Variants in ANKRD31 observed in about 807,000 individuals in gnomAD.
ANKRD31 encodes ankyrin repeat domain 31.
A neutral mutation model predicts 186.0 loss-of-function variants in ANKRD31; 147 were observed. That is an observed-to-expected ratio of 0.79 (90% confidence interval 0.69 to 0.91). The LOEUF (loss-of-function observed/expected upper bound fraction) is 0.91, where lower values mean the gene tolerates loss of function less well. Among genes scored for constraint, ANKRD31 ranks in the 40% least tolerant of loss-of-function variants. The pLI, the probability that ANKRD31 is intolerant of heterozygous loss-of-function variation, is 0.00. For synonymous variants in ANKRD31, 673 were observed against 736.4 expected (o/e 0.91, Z 1.39); for missense variants, 1,986 against 2,148.8 (o/e 0.92, Z 1.50).
At chr5:75,183,114 C>A (rs1754445928) in intron 10 of ANKRD31, among the ~76,000 whole-genome samples, 1 of 152,102 alleles carries the variant, frequency 6.6e-6, no homozygotes, top group Non-Finnish European at 1.5e-5. Context: ...ATGCACAAAC[C>A]AATAAACGTG....
chr5:75,110,519 G>C (rs1212061063), intron 20 of ANKRD31, among the ~76,000 whole-genome samples: 1 of 151,926 alleles, frequency 6.6e-6, no homozygotes, highest in Non-Finnish European at 1.5e-5. Context: ...AGACCATCCT[G>C]ACCAACATGG....
chr5:75,137,351 T>C (rs892562156), intron 17 of ANKRD31, among the ~76,000 whole-genome samples: 1 of 152,154 alleles, frequency 6.6e-6, no homozygotes, highest in African/African-American at 2.4e-5. Flanking sequence ...GTCAGTGTCA[T>C]TGAAATAATG....
chr5:75,217,970 G>C (rs898416193), intron 3 of ANKRD31, among the ~76,000 whole-genome samples: 1 of 151,986 alleles, frequency 6.6e-6, no homozygotes, highest in African/African-American at 2.4e-5. Flanking sequence ...AATTCCCTGA[G>C]CATTTGCTTG....
At chr5:75,072,870 T>C (rs977450221) in intron 25 of ANKRD31, among the ~76,000 whole-genome samples, 1 of 152,174 alleles carries the variant, frequency 6.6e-6, no homozygotes, top group African/African-American at 2.4e-5. Context: ...GCTGAAAAGA[T>C]GAATACACAC....
Position 75,128,773 on chromosome 5 carries a change from C to T in ANKRD31, c.3876+9083G>A, listed in dbSNP as rs571264689. 2.0e-5 allele frequency among the ~76,000 whole-genome samples: 3 copies of T among 151,960 alleles called. No individual in the cohort carries two copies. The East Asian group carries it at 5.8e-4, about 29-fold the overall frequency. On this transcript the variant is annotated intron_variant, in intron 17 of 25. Coordinates refer to ENST00000506364, the MANE Select transcript of ANKRD31 (RefSeq NM_001372053.1). The stretch of plus-strand genomic sequence containing the variant: ...TCATGATCTGCCTGCTTCGGCCTCC[C>T]AAAGTACTGGGATTACAGGCATGAG...
At chr5:75,116,725 A>C in intron 18 of ANKRD31, 44 bp from the exon 19 acceptor site, 4 of 1,159,028 alleles carry the variant, frequency 3.5e-6, no homozygotes, top group Non-Finnish European at 4.6e-6. Flanking sequence ...ATGTGCAAAA[A>C]TATAGTTTCA....
intron 25 of ANKRD31, among the ~76,000 whole-genome samples, chr5:75,073,868 T>C (rs538518256): frequency 6.6e-6 from 1 of 152,114 alleles, no homozygotes; most frequent in Non-Finnish European, 1.5e-5. Flanking sequence ...TTTTAAAAAA[T>C]TTTTTTTAAA....
In ANKRD31 at chr5:75,146,280, A is replaced by T. The variant is rs939360435; in HGVS notation, c.3131T>A (p.Phe1044Tyr). The T allele has an allele frequency of 1.3e-6, 2 of 1,536,438 alleles. No homozygotes were observed. Among genetic ancestry groups the T allele is most frequent in the African/African-American group, 2.7e-5 (2 of 72,980 alleles). ...PQDYIPRAPTFLMNQTDTHIV... is the reference protein window; with the variant it reads ...PQDYIPRAPTYLMNQTDTHIV... ...ATGTGTATCTGTTTGATTCATTAAAAAAGTTGGTGCTCTGGGAATATAATC... is the reference window on the plus strand; with the variant it reads ...ATGTGTATCTGTTTGATTCATTAAATAAGTTGGTGCTCTGGGAATATAATC... The change falls in exon 14 of 26, where the codon TTT becomes TAT. Residue 1044 changes from phenylalanine (F) to tyrosine (Y), a missense_variant. By Grantham distance (22) the Phe-to-Tyr change is conservative. Transcript: ENST00000506364.
intron 17 of ANKRD31, among the ~76,000 whole-genome samples, chr5:75,136,787 G>T (rs1018754040): frequency 6.6e-6 from 1 of 152,152 alleles, no homozygotes. Context: ...ATGATAGAGT[G>T]GATTAAGAAA....
rs781252248 is a variant in ANKRD31, at chr5:75,084,313, T to C, written c.5534A>G (p.Glu1845Gly). Residue 1845 changes from glutamate (E) to glycine (G), a missense_variant, in exon 24 of 26, where the codon GAA becomes GGA. By Grantham distance (98) the Glu-to-Gly change is moderately conservative. Transcript: ENST00000506364. ...ATATTGCTGAGGTACTGAGTTTGGT[T>C]CTGGAAGTATGGGTGCATCCTCAGA... ...YVSEDAPILPEPNSVPQQYQP... is the reference protein window; with the variant it reads ...YVSEDAPILPGPNSVPQQYQP... 13 of 1,537,060 alleles carry C rather than the reference T, an allele frequency of 8.5e-6. No individual in the cohort carries two copies. The highest frequency in any genetic ancestry group is 1.1e-5 in the Non-Finnish European group (13 of 1,146,874).
intron 17 of ANKRD31, 96 bp from the exon 18 acceptor site, chr5:75,118,393 C>G: frequency 8.6e-7 from 1 of 1,156,086 alleles, no homozygotes; most frequent in Non-Finnish European, 1.1e-6. Context: ...TAAAAGCTAT[C>G]AAAAGAATGT....
rs2150331530 is a variant in ANKRD31 at position 75,236,658 on chromosome 5, C to T, written c.29G>A (p.Trp10Ter). Residue 10 changes from tryptophan (W) to a stop codon, truncating the protein, a stop_gained, in exon 1 of 26, where the codon TGG becomes TAG. Transcript: ENST00000506364. LOFTEE classifies it high-confidence loss of function. MEEGVQAPD[W>*]DSDETVIEGS... ...CTCTATCACAGTTTCATCACTGTCC[C>T]AGTCTGGGGCCTGGACGCCTTCCTC... 1 of 1,536,808 alleles carries T rather than the reference C, an allele frequency of 6.5e-7. No individual in the cohort carries two copies. The highest frequency in any genetic ancestry group is 1.2e-5 in the South Asian group (1 of 83,932).
intron 12 of ANKRD31, among the ~76,000 whole-genome samples, chr5:75,153,850 GA>G (rs1187908299): frequency 6.6e-6 from 1 of 152,082 alleles, no homozygotes; most frequent in Non-Finnish European, 1.5e-5. Flanking sequence ...CTTAGGGAAT[GA>G]ATATAAATAA....
At position 75,146,243 on chromosome 5, in the gene ANKRD31, C is replaced by T; in HGVS notation, c.3168G>A (p.Lys1056=). Residue 1056 remains lysine (K), a synonymous_variant, in exon 14 of 26, where the codon AAG becomes AAA. Coordinates refer to ENST00000506364, the MANE Select transcript of ANKRD31 (RefSeq NM_001372053.1). ...MNQTDTHIVE[K]MAKNCDTERN... is the part of the protein sequence containing the mutation. ...TCTCAGTGTCACAATTCTTTGCCAT[C>T]TTTTCCACAATATGTGTATCTGTTT... is the stretch of plus-strand genomic sequence containing the variant. 1 of 1,536,378 alleles carries T rather than the reference C, an allele frequency of 6.5e-7. No individual in the cohort carries two copies. Among genetic ancestry groups the T allele is most frequent in the East Asian group, 2.4e-5 (1 of 40,874 alleles).
At chr5:75,107,393 C>T (rs1747412277) in intron 21 of ANKRD31, 128 bp downstream of exon 21, 4 of 629,808 alleles carry the variant, frequency 6.4e-6, no homozygotes, top group Admixed American at 6.5e-5. Flanking sequence ...ATTAGACAAC[C>T]TCATAAAGTC....
intron 10 of ANKRD31, among the ~76,000 whole-genome samples, chr5:75,178,237 T>C (rs1453635664): frequency 6.6e-6 from 1 of 152,084 alleles, no homozygotes; most frequent in Non-Finnish European, 1.5e-5. Context: ...CATAAAGCAA[T>C]TCCTTAGTGA....
At chr5:75,136,668 A>T (rs1750603778) in intron 17 of ANKRD31, among the ~76,000 whole-genome samples, 1 of 152,244 alleles carries the variant, frequency 6.6e-6, no homozygotes, top group African/African-American at 2.4e-5. Context: ...TACTGGGTAT[A>T]TGCCCAAAGG....
chr5:75,122,618 T>C (rs768172285), intron 17 of ANKRD31, among the ~76,000 whole-genome samples: 21 of 152,136 alleles, frequency 1.4e-4, no homozygotes, highest in Non-Finnish European at 1.6e-4. Context: ...GATGCAAGGA[T>C]GGCTCAACAT....
At chr5:75,117,554 A>G (rs1388320663) in intron 18 of ANKRD31, among the ~76,000 whole-genome samples, 1 of 152,046 alleles carries the variant, frequency 6.6e-6, no homozygotes, top group Non-Finnish European at 1.5e-5. Context: ...GTGTGACACA[A>G]TTGCTCTCCC....
Sources: allele counts gnomAD v4.1 joint callset (sites outside exome capture counted in the v4.1 genomes callset), GRCh38; gene constraint gnomAD v4.1.1; transcripts MANE v1.5; gene names NCBI Gene and HGNC (gene_info 2026-07-23, HGNC 2026-07-21).